The following C10orf71 variants were observed in gnomAD, a reference collection of about 807,000 sequenced individuals.
C10orf71 encodes the protein cardiac-enriched FHL2-interacting protein.
For synonymous variants in C10orf71, 758 were observed against 726.3 expected (o/e 1.04, Z -0.70); for missense variants, 1,869 against 1,804.5 (o/e 1.04, Z -0.65).
chr10:49,297,692 T>A (rs1001441046), upstream of C10orf71, among the ~76,000 whole-genome samples: 14 of 152,210 alleles, frequency 9.2e-5, no homozygotes, highest in Admixed American at 6.5e-5. Flanking sequence ...GAAGGGTAAG[T>A]ATGTGACATG....
chr10:49,304,461 G>A (rs1848779995), intron 1 of C10orf71, among the ~76,000 whole-genome samples: 1 of 152,226 alleles, frequency 6.6e-6, no homozygotes, highest in African/African-American at 2.4e-5. Flanking sequence ...CAGGTTGCAG[G>A]AGCGCCGTCA....
chr10:49,309,536 T>C (rs1848874707), intron 1 of C10orf71, among the ~76,000 whole-genome samples: 2 of 152,198 alleles, frequency 1.3e-5, no homozygotes, highest in Admixed American at 1.3e-4. Flanking sequence ...TATGATATTT[T>C]AGTTCAAGCT....
rs749064221 is a variant in C10orf71, at chr10:49,323,677, C to T, written c.1132C>T (p.Gln378Ter). The change falls in exon 3 of 3, where the codon CAG becomes TAG. Residue 378 changes from glutamine (Q) to a stop codon, truncating the protein, a stop_gained. Coordinates refer to ENST00000374144, the MANE Select transcript of C10orf71 (RefSeq NM_001135196.2). LOFTEE classifies it low-confidence loss of function (END_TRUNC). Reference sequence around the variant, plus strand: ...ACCTGATTCTCAAGAGAAGCCAGCCCAGCCCCCATGGAGGAAGCCAAAGAC... The same window carrying T: ...ACCTGATTCTCAAGAGAAGCCAGCCTAGCCCCCATGGAGGAAGCCAAAGAC... ...SQPDSQEKPAQPPWRKPKTGK... is the reference protein window; with the variant it reads ...SQPDSQEKPA The T allele has an allele frequency of 6.2e-7, 1 of 1,613,452 alleles. No individual in the cohort carries two copies. Among genetic ancestry groups the T allele is most frequent in the Non-Finnish European group, 8.5e-7 (1 of 1,179,776 alleles).
intron 1 of C10orf71, among the ~76,000 whole-genome samples, chr10:49,303,396 A>G (rs1452460761): frequency 1.3e-5 from 2 of 152,218 alleles, no homozygotes; most frequent in Non-Finnish European, 2.9e-5. Context: ...ACTGACAAGC[A>G]TCAGACCCGA....
At chr10:49,297,303 T>C (rs775785593), upstream of C10orf71, among the ~76,000 whole-genome samples, 11 of 152,330 alleles carry the variant, frequency 7.2e-5, no homozygotes, top group Non-Finnish European at 1.5e-4. Context: ...TTCTAACATC[T>C]GGAACAAAAT....
chr10:49,306,649 T>A (rs1564683075), intron 1 of C10orf71, among the ~76,000 whole-genome samples: 1 of 152,122 alleles, frequency 6.6e-6, no homozygotes. Flanking sequence ...GCAGTGCCAG[T>A]GATGTGGGGA....
intron 2 of C10orf71, among the ~76,000 whole-genome samples, chr10:49,321,471 AT>A (rs1849092537): frequency 6.6e-6 from 1 of 152,198 alleles, no homozygotes; most frequent in Non-Finnish European, 1.5e-5. Flanking sequence ...ATCAATGGAA[AT>A]TTTGTTCACT....
chr10:49,309,673 C>T (rs929514156), intron 1 of C10orf71, among the ~76,000 whole-genome samples: 1 of 152,104 alleles, frequency 6.6e-6, no homozygotes, highest in Non-Finnish European at 1.5e-5. Flanking sequence ...CACCCTGTGG[C>T]GTGGGGTGGT....
In C10orf71 at chr10:49,326,879, C is replaced by T. The variant is rs1412067310; in HGVS notation, c.*26C>T. On this transcript the variant is annotated 3_prime_UTR_variant, in exon 3 of 3. Coordinates refer to ENST00000374144, the MANE Select transcript of C10orf71 (RefSeq NM_001135196.2). ...GTTACTGCAGGCTGTCCCCCACCCCCAGATGAACCCAGAGGAGCTTACTTC... is the reference window on the plus strand; with the variant it reads ...GTTACTGCAGGCTGTCCCCCACCCCTAGATGAACCCAGAGGAGCTTACTTC... 6.6e-7 allele frequency: 1 copy of T among 1,516,322 alleles called. No homozygotes were observed. Among genetic ancestry groups the T allele is most frequent in the African/African-American group, 1.4e-5 (1 of 71,482 alleles). 93.9% of individuals were successfully genotyped at this position (1,516,322 alleles called of 1,614,324 possible).
chr10:49,326,150 G>C lies in C10orf71; in HGVS notation c.3605G>C (p.Gly1202Ala), dbSNP rs924471023. The C allele has an allele frequency of 1.3e-6, 2 of 1,551,672 alleles. No homozygotes were observed. Among genetic ancestry groups the C allele is most frequent in the Non-Finnish European group, 8.7e-7 (1 of 1,146,994 alleles). The change falls in exon 3 of 3, where the codon GGC becomes GCC. Residue 1202 changes from glycine (G) to alanine (A), a missense_variant. By Grantham distance (60) the Gly-to-Ala change is moderately conservative (BLOSUM62 0). Coordinates refer to ENST00000374144, the MANE Select transcript of C10orf71 (RefSeq NM_001135196.2). The part of the protein sequence containing the change: ...RKTDQAQEKH[G>A]ESQEGKPCPE... ...ACGGATCAGGCTCAGGAGAAGCATG[G>C]CGAGTCACAGGAGGGAAAGCCCTGC...
Position 49,324,250 on chromosome 10 carries a change from C to T in C10orf71, c.1705C>T (p.His569Tyr). Residue 569 changes from histidine (H) to tyrosine (Y), a missense_variant, in exon 3 of 3, where the codon CAC becomes TAC. By Grantham distance (83) the His-to-Tyr change is moderately conservative (BLOSUM62 2). Transcript: ENST00000374144. ...ACCCGCTGATGACCCCACTGCATCA[C>T]ACATCAATCCCCAGAAGGACCCTAC... ...ERPADDPTAS[H>Y]INPQKDPTAD... 4 of 1,613,990 alleles carry T rather than the reference C, an allele frequency of 2.5e-6. No homozygotes were observed. Among genetic ancestry groups the T allele is most frequent in the Admixed American group, 1.7e-5 (1 of 60,020 alleles).
intron 1 of C10orf71, among the ~76,000 whole-genome samples, chr10:49,310,065 G>A (rs532770721): frequency 2.0e-5 from 3 of 152,328 alleles, no homozygotes; most frequent in African/African-American, 7.2e-5. Context: ...GGAAAGATGG[G>A]CAGGGATGAG....
Position 49,326,748 on chromosome 10 carries a change from T to G in C10orf71, c.4203T>G (p.Pro1401=). The G allele has an allele frequency of 6.4e-7, 1 of 1,550,912 alleles. No homozygotes were observed. Among genetic ancestry groups the G allele is most frequent in the Non-Finnish European group, 8.7e-7 (1 of 1,146,888 alleles). Residue 1401 remains proline (P), a synonymous_variant, in exon 3 of 3, where the codon CCT becomes CCG. Transcript: ENST00000374144. ...CCCCGCACTCTGCAGGCCAGCGCCC[T>G]CATGGTCCTCCCCAGAGCCCAGGAG... ...DCTPHSAGQR[P]HGPPQSPGEE... is the part of the protein sequence containing the mutation.
chr10:49,319,218 G>T (rs1442422259), intron 2 of C10orf71, among the ~76,000 whole-genome samples: 1 of 152,140 alleles, frequency 6.6e-6, no homozygotes, highest in Non-Finnish European at 1.5e-5. Context: ...CAATGTTCTA[G>T]GCAATGGGAG....
rs766015437 is a variant in C10orf71, at chr10:49,323,777, T to C, written c.1232T>C (p.Leu411Ser). ...CAGACCAACCAGAGAGGCCCACCTT[T>C]GTATACAAAACACAACCCCCAGGAA... ...KTQTNQRGPP[L>S]YTKHNPQEQF... Residue 411 changes from leucine to serine, a missense_variant, in exon 3 of 3, where the codon TTG (leucine) becomes TCG (serine). By Grantham distance (145) the Leu-to-Ser change is moderately radical. Coordinates refer to ENST00000374144, the MANE Select transcript of C10orf71 (RefSeq NM_001135196.2). 1.2e-6 allele frequency: 2 copies of C among 1,613,836 alleles called. No homozygotes were observed. Among genetic ancestry groups the C allele is most frequent in the South Asian group, 1.1e-5 (1 of 91,086 alleles).
At chr10:49,303,891 G>T (rs1039195253) in intron 1 of C10orf71, among the ~76,000 whole-genome samples, 10 of 152,178 alleles carry the variant, frequency 6.6e-5, no homozygotes, top group African/African-American at 2.2e-4. Context: ...CCCCTGCTGT[G>T]CTGGTTGGAG....
chr10:49,326,290 G>A lies in C10orf71; in HGVS notation c.3745G>A (p.Gly1249Ser), dbSNP rs2132444749. The change falls in exon 3 of 3, where the codon GGC (glycine) becomes AGC (serine). Residue 1249 changes from glycine (G) to serine (S), a missense_variant. Coordinates refer to ENST00000374144, the MANE Select transcript of C10orf71 (RefSeq NM_001135196.2). The part of the protein sequence containing the change: ...PPPVHRHSVS[G>S]FSEPVGRRPG... The stretch of plus-strand genomic sequence containing the variant: ...TCCCGTGCACCGCCACTCCGTGTCC[G>A]GCTTCTCGGAGCCTGTCGGGAGGCG... 1.3e-6 allele frequency: 2 copies of A among 1,549,962 alleles called. No homozygotes were observed. The highest frequency in any genetic ancestry group is 2.0e-5 in the Admixed American group (1 of 50,948).
chr10:49,304,632 G>T (rs182285628), intron 1 of C10orf71, among the ~76,000 whole-genome samples: 30 of 152,276 alleles, frequency 2.0e-4, no homozygotes, highest in Admixed American at 1.1e-3. Flanking sequence ...CTGCCCTCCC[G>T]TAGTTCTCAG....
At position 49,324,381 on chromosome 10, in the gene C10orf71, C is replaced by T; in HGVS notation, c.1836C>T (p.Ser612=). Residue 612 remains serine, a synonymous_variant, in exon 3 of 3, where the codon AGC becomes AGT. Transcript: ENST00000374144. ...FYVNGEAAER[S]SYENKEVEGE... Reference sequence around the variant, plus strand: ...TCAATGGGGAGGCTGCTGAGAGAAGCAGTTATGAGAACAAGGAGGTGGAAG... The same window carrying T: ...TCAATGGGGAGGCTGCTGAGAGAAGTAGTTATGAGAACAAGGAGGTGGAAG... 1 of 1,613,540 alleles carries T rather than the reference C, an allele frequency of 6.2e-7. No homozygotes were observed. Among genetic ancestry groups the T allele is most frequent in the Non-Finnish European group, 8.5e-7 (1 of 1,179,710 alleles).
Sources: allele counts gnomAD v4.1 joint callset (sites outside exome capture counted in the v4.1 genomes callset), GRCh38; gene constraint gnomAD v4.1.1; transcripts MANE v1.5; gene names NCBI Gene and HGNC (gene_info 2026-07-23, HGNC 2026-07-21).